Variants in PHEX observed in about 807,000 individuals in gnomAD.
PHEX encodes the protein phosphate regulating endopeptidase X-linked.
Under a neutral mutation model 68.0 loss-of-function variants are expected in PHEX, and 16 were observed. That is an observed-to-expected ratio of 0.24 (90% confidence interval 0.16 to 0.36). The LOEUF (loss-of-function observed/expected upper bound fraction) is 0.36, where lower values mean the gene tolerates loss of function less well. Among genes scored for constraint, PHEX ranks in the 10% least tolerant of loss-of-function variants. The probability of loss-of-function intolerance (pLI) is 1.00; values close to 1 mark genes in which losing one functional copy is unlikely to be tolerated. For missense variants in PHEX, 480 were observed against 575.5 expected, an observed-to-expected ratio of 0.83 and a Z score of 1.70; for synonymous variants, 208 against 205.1, an observed-to-expected ratio of 1.01 and a Z score of -0.12.
chrX:22,150,831 C>T (rs1932843391), intron 12 of PHEX, among the ~76,000 whole-genome samples: 1 of 112,265 alleles, frequency 8.9e-6, no homozygotes, highest in Admixed American at 9.4e-5. Flanking sequence ...TACAAACAGC[C>T]CCAATTGTCC....
chrX:22,218,876 A>G (rs1337397533), intron 16 of PHEX, among the ~76,000 whole-genome samples, 160 bp from the exon 17 acceptor site: 1 of 112,393 alleles, frequency 8.9e-6, no homozygotes, highest in Non-Finnish European at 1.9e-5. Context: ...ATTGGAAGGT[A>G]TGTTTAGATT....
intron 2 of PHEX, 35 bp downstream of exon 2, chrX:22,038,572 A>T: frequency 1.1e-6 from 1 of 932,997 alleles, no homozygotes; most frequent in Non-Finnish European, 1.6e-6. Context: ...GTCAAGTTAT[A>T]ATTATGGTAC....
chrX:22,067,719 A>G (rs970149996), intron 3 of PHEX, among the ~76,000 whole-genome samples: 4 of 111,714 alleles, frequency 3.6e-5, no homozygotes, highest in African/African-American at 1.3e-4. Flanking sequence ...CAGCATCAAC[A>G]TTACCTGGCA....
intron 3 of PHEX, among the ~76,000 whole-genome samples, chrX:22,065,230 A>T (rs765390245): frequency 8.9e-6 from 1 of 112,421 alleles, no homozygotes; most frequent in South Asian, 3.7e-4. Context: ...ATGAACAGTT[A>T]AAATAGGTGT....
At chrX:22,127,348 A>G (rs376231148) in intron 11 of PHEX, among the ~76,000 whole-genome samples, 2 of 111,528 alleles carry the variant, frequency 1.8e-5, no homozygotes, top group East Asian at 2.8e-4. Flanking sequence ...CTTCCACTTT[A>G]AGGGATTTCT....
chrX:22,162,023 A>G (rs954186881), intron 12 of PHEX, among the ~76,000 whole-genome samples: 1 of 111,945 alleles, frequency 8.9e-6, no homozygotes, highest in African/African-American at 3.3e-5. Flanking sequence ...AAAGGAACAG[A>G]TAAGAGAAAG....
Position 22,210,820 on chromosome X carries a change from C to T in PHEX, c.1646-2084C>T, listed in dbSNP as rs193278471. On this transcript the variant is annotated intron_variant, in intron 15 of 21. Coordinates refer to ENST00000379374, the MANE Select transcript of PHEX (RefSeq NM_000444.6). ...GGCTTTTGCACCTAATCACAAACTACGATATTATTAATAAAATATAAAGAA... is the reference window on the plus strand; with the variant it reads ...GGCTTTTGCACCTAATCACAAACTATGATATTATTAATAAAATATAAAGAA... 3.3e-3 allele frequency among the ~76,000 whole-genome samples: 361 copies of T among 110,294 alleles called. 2 individuals carry two copies. The highest frequency in any genetic ancestry group is 0.011 in the African/African-American group (331 of 30,415).
chrX:22,081,314 G>A (rs1386151675), intron 5 of PHEX, among the ~76,000 whole-genome samples: 3 of 110,870 alleles, frequency 2.7e-5, no homozygotes, highest in Non-Finnish European at 5.7e-5. Flanking sequence ...GAGGTCCTGC[G>A]ACTCCCATTC....
chrX:22,129,182 G>C (rs1459877146), intron 11 of PHEX, among the ~76,000 whole-genome samples: 1 of 110,951 alleles, frequency 9.0e-6, no homozygotes. Context: ...ACAAACGAAG[G>C]GTGATTCACA....
chrX:22,233,602 G>A (rs765318547), intron 20 of PHEX, among the ~76,000 whole-genome samples: 15 of 110,189 alleles, frequency 1.4e-4, no homozygotes, highest in African/African-American at 9.9e-5. Context: ...TGATCAATTC[G>A]GCTATTGATA....
intron 2 of PHEX, among the ~76,000 whole-genome samples, chrX:22,039,322 C>A (rs1027358563): frequency 3.6e-5 from 4 of 112,224 alleles, no homozygotes; most frequent in African/African-American, 1.3e-4. Flanking sequence ...TTGAGGTGAC[C>A]AGGCTGTGTA....
intron 14 of PHEX, among the ~76,000 whole-genome samples, chrX:22,189,485 C>T (rs1179471712): frequency 1.8e-5 from 2 of 111,236 alleles, no homozygotes; most frequent in African/African-American, 6.5e-5. Flanking sequence ...GCCTGTAGTC[C>T]CAGAACTTTG....
At position 22,226,431 on chromosome X, in the gene PHEX, T is replaced by C. The variant is rs2147183034; in HGVS notation, c.1900-12T>C. The C allele has an allele frequency of 8.4e-7, 1 of 1,186,082 alleles. No homozygotes were observed. The highest frequency in any genetic ancestry group is 1.1e-6 in the Non-Finnish European group (1 of 872,966). On this transcript the variant is annotated splice_polypyrimidine_tract_variant and intron_variant, in intron 18 of 21. Coordinates refer to ENST00000379374, the MANE Select transcript of PHEX (RefSeq NM_000444.6). ...CATTCATTTTTTTTTTTTCCTTTTT[T>C]CTTTCTGTTAGGTCAAGGGGAAGAG...
At chrX:22,201,649 A>G (rs1038325931) in intron 15 of PHEX, among the ~76,000 whole-genome samples, 1 of 111,866 alleles carries the variant, frequency 8.9e-6, no homozygotes, top group Admixed American at 9.5e-5. Flanking sequence ...AATGCTCTGC[A>G]GTCTCATGGG....
At chrX:22,215,002 C>A (rs956943210) in intron 16 of PHEX, among the ~76,000 whole-genome samples, 1 of 111,323 alleles carries the variant, frequency 9.0e-6, no homozygotes, top group African/African-American at 3.3e-5. Context: ...TCTTTAAGCT[C>A]CCTTCAAACT....
At chrX:22,175,539 C>T (rs966465593) in intron 13 of PHEX, among the ~76,000 whole-genome samples, 6 of 111,005 alleles carry the variant, frequency 5.4e-5, no homozygotes, top group South Asian at 3.8e-4. Context: ...TTAGAAGAGA[C>T]GGGATTTCAC....
At chrX:22,053,843 C>T (rs1043480214) in intron 3 of PHEX, among the ~76,000 whole-genome samples, 3 of 112,168 alleles carry the variant, frequency 2.7e-5, no homozygotes, top group Non-Finnish European at 5.6e-5. Context: ...CATTAATGAA[C>T]AGAAAGAGAT....
At chrX:22,062,379 C>T (rs7052530) in intron 3 of PHEX, among the ~76,000 whole-genome samples, 4,387 of 111,888 alleles carry the variant, frequency 0.039, 211 homozygotes, top group African/African-American at 0.13. Flanking sequence ...CTAGGAGCCA[C>T]ACTTTAAAAA....
At chrX:22,120,134 T>C (rs2147071877) in intron 11 of PHEX, among the ~76,000 whole-genome samples, 1 of 112,065 alleles carries the variant, frequency 8.9e-6, no homozygotes, top group Admixed American at 9.5e-5. Flanking sequence ...TCTGGTATTC[T>C]TTTAAGTGCT....
Sources: gnomAD v4.1 joint callset for allele counts (sites outside exome capture counted in the v4.1 genomes callset) on GRCh38, gnomAD v4.1.1 for gene constraint, MANE v1.5 for transcripts, NCBI Gene and HGNC (gene_info 2026-07-23, HGNC 2026-07-21) for gene names.